ROBO1: variants seen among roughly 807,000 people sequenced by gnomAD.
ROBO1 encodes roundabout guidance receptor 1.
A neutral mutation model predicts 195.9 loss-of-function variants in ROBO1; 149 were observed. That is an observed-to-expected ratio of 0.76 (90% CI 0.67 to 0.87). ROBO1 has a LOEUF of 0.87. Among genes scored for constraint, ROBO1 ranks in the 40% least tolerant of loss-of-function variants. The pLI, the probability that ROBO1 is intolerant of heterozygous loss-of-function variation, is 0.00. For synonymous variants in ROBO1, 816 were observed against 733.2 expected (o/e 1.11, Z -1.82); for missense variants, 1,933 against 2,068.3 (o/e 0.93, Z 1.27).
intron 8 of ROBO1, among the ~76,000 whole-genome samples, chr3:78,711,331 CCT>C: frequency 1.9e-5 from 2 of 107,638 alleles, no homozygotes; most frequent in African/African-American, 4.0e-5. Context: ...CTCTCTCCTT[CCT>C]TCCTTCCTTC....
intron 2 of ROBO1, among the ~76,000 whole-genome samples, chr3:79,337,708 T>G (rs1321577183): frequency 6.6e-6 from 1 of 152,212 alleles, no homozygotes; most frequent in African/African-American, 2.4e-5. Context: ...TAGAAAAATA[T>G]TTATTTAAAC....
At chr3:79,536,777 G>GA (rs1287818472) in intron 2 of ROBO1, among the ~76,000 whole-genome samples, 1 of 152,092 alleles carries the variant, frequency 6.6e-6, no homozygotes, top group Non-Finnish European at 1.5e-5. Flanking sequence ...TAGACTAGTG[G>GA]AAAAAGTATA....
intron 2 of ROBO1, among the ~76,000 whole-genome samples, chr3:79,417,294 G>A (rs568713925): frequency 6.6e-6 from 1 of 152,254 alleles, no homozygotes; most frequent in East Asian, 1.9e-4. Flanking sequence ...GTTGCAGCCT[G>A]TGGAGAGGCT....
intron 2 of ROBO1, among the ~76,000 whole-genome samples, chr3:79,415,132 G>A (rs1464686265): frequency 1.3e-5 from 2 of 152,064 alleles, no homozygotes; most frequent in Non-Finnish European, 2.9e-5. Context: ...GTGAGTAGTC[G>A]AAAGCCTTCT....
rs1191444641 is a variant in ROBO1 at position 78,646,254 on chromosome 3, C to T, written c.2840-64G>A. 4 of 1,404,902 alleles carry T rather than the reference C, an allele frequency of 2.8e-6. No individual in the cohort carries two copies. In the East Asian group the frequency reaches 6.9e-5, roughly 24 times the overall value. The allele number at this position is 1,404,902 out of a possible 1,614,324, so 87.0% of individuals were successfully genotyped here. Reference sequence around the variant, plus strand: ...CATATTTATATATCAAAAGCTATTACATTCATGAGCTTCTTTCTAAAATGG... The same window carrying T: ...CATATTTATATATCAAAAGCTATTATATTCATGAGCTTCTTTCTAAAATGG... On this transcript the variant is annotated intron_variant, in intron 20 of 30. Coordinates refer to ENST00000464233, the MANE Select transcript of ROBO1 (RefSeq NM_002941.4).
intron 3 of ROBO1, among the ~76,000 whole-genome samples, chr3:79,009,139 A>C (rs1338795381): frequency 2.4e-5 from 3 of 126,856 alleles, no homozygotes; most frequent in Non-Finnish European, 4.8e-5. Context: ...TTTTTAGTAG[A>C]GACGGGGTTT....
At chr3:78,763,707 C>A (rs1285641086) in intron 4 of ROBO1, among the ~76,000 whole-genome samples, 1 of 152,106 alleles carries the variant, frequency 6.6e-6, no homozygotes, top group African/African-American at 2.4e-5. Context: ...AACCAAGTGT[C>A]CATCTTTGGT....
chr3:79,738,462 G>A (rs144445127), intron 1 of ROBO1, among the ~76,000 whole-genome samples: 31 of 152,274 alleles, frequency 2.0e-4, no homozygotes, highest in African/African-American at 7.0e-4. Context: ...TTTCTGATCA[G>A]TCATGCTGAG....
intron 2 of ROBO1, among the ~76,000 whole-genome samples, chr3:79,543,531 C>T (rs780302764): frequency 3.9e-5 from 6 of 152,012 alleles, no homozygotes; most frequent in East Asian, 3.9e-4. Flanking sequence ...ACCTGTTAAA[C>T]GGATCATCCG....
intron 3 of ROBO1, among the ~76,000 whole-genome samples, chr3:79,080,853 TA>T (rs1044545994): frequency 1.3e-5 from 2 of 152,102 alleles, no homozygotes; most frequent in Non-Finnish European, 2.9e-5. Flanking sequence ...AACTTTTTCT[TA>T]ACCTTTTCTA....
intron 3 of ROBO1, among the ~76,000 whole-genome samples, chr3:78,995,356 G>A (rs1017741072): frequency 8.6e-5 from 13 of 151,938 alleles, no homozygotes; most frequent in African/African-American, 7.3e-5. Flanking sequence ...GGTTAATGAC[G>A]CCAGCAAGCA....
At chr3:78,891,809 A>T (rs1406180570) in intron 4 of ROBO1, among the ~76,000 whole-genome samples, 2 of 152,248 alleles carry the variant, frequency 1.3e-5, no homozygotes, top group Admixed American at 1.3e-4. Flanking sequence ...GAATTTCAAA[A>T]CGTGTTAAGT....
chr3:78,781,663 A>G (rs906111632), intron 4 of ROBO1, among the ~76,000 whole-genome samples: 2 of 152,026 alleles, frequency 1.3e-5, no homozygotes, highest in African/African-American at 4.8e-5. Flanking sequence ...ATTCCAATAT[A>G]CAGATAAGGT....
In ROBO1 at chr3:79,081,258, C is replaced by A. The variant is rs551773639; in HGVS notation, c.172+44198G>T. On this transcript the variant is annotated intron_variant, in intron 3 of 30. Coordinates refer to ENST00000464233, the MANE Select transcript of ROBO1 (RefSeq NM_002941.4). ...TGATGCAAACTTCTCCAGTCCTCCC[C>A]CTCCTGCTAAGATGCTGCCATTGCA... Among the ~76,000 whole-genome samples, 7 of 151,998 alleles carry A rather than the reference C, an allele frequency of 4.6e-5. No homozygotes were observed. In the East Asian group the frequency reaches 1.2e-3, roughly 25 times the overall value.
At chr3:78,690,794 C>A (rs1481820621) in intron 8 of ROBO1, among the ~76,000 whole-genome samples, 1 of 152,084 alleles carries the variant, frequency 6.6e-6, no homozygotes, top group Non-Finnish European at 1.5e-5. Flanking sequence ...AATGTTCAAA[C>A]CACTTACTTA....
chr3:79,176,259 G>A (rs2081260753), intron 2 of ROBO1, among the ~76,000 whole-genome samples: 1 of 152,072 alleles, frequency 6.6e-6, no homozygotes, highest in Non-Finnish European at 1.5e-5. Context: ...TATATCTAAA[G>A]GTAAAGCTTC....
intron 2 of ROBO1, among the ~76,000 whole-genome samples, chr3:79,492,642 C>A (rs1380211200): frequency 6.6e-6 from 1 of 151,566 alleles, no homozygotes; most frequent in Non-Finnish European, 1.5e-5. Context: ...AAGAAATAAC[C>A]CTACTAAGAA....
chr3:79,641,939 A>C (rs1399839066), intron 1 of ROBO1, among the ~76,000 whole-genome samples: 2 of 152,130 alleles, frequency 1.3e-5, no homozygotes, highest in African/African-American at 4.8e-5. Context: ...GGATTACTTG[A>C]GCCCAGGAGG....
At chr3:79,509,200 G>A (rs1283579253) in intron 2 of ROBO1, among the ~76,000 whole-genome samples, 2 of 150,584 alleles carry the variant, frequency 1.3e-5, no homozygotes, top group African/African-American at 2.4e-5. Flanking sequence ...TTTTTCCTGT[G>A]AAAAAAACAA....
Sources: allele counts gnomAD v4.1 joint callset (sites outside exome capture counted in the v4.1 genomes callset), GRCh38; gene constraint gnomAD v4.1.1; transcripts MANE v1.5; gene names NCBI Gene and HGNC (gene_info 2026-07-23, HGNC 2026-07-21).